Variants in RHOBTB1 observed in about 807,000 individuals in gnomAD.
RHOBTB1 encodes the protein rho-related BTB domain-containing protein 1.
A neutral mutation model predicts 71.6 loss-of-function variants in RHOBTB1; 40 were observed. The observed-to-expected ratio is 0.56, with a 90% CI of 0.43 to 0.73. The LOEUF is 0.73. RHOBTB1 is among the 30% of genes least tolerant of loss of function. RHOBTB1 has a pLI of 0.00. For synonymous variants in RHOBTB1, 319 were observed against 334.9 expected (o/e 0.95, Z 0.52); for missense variants, 797 against 894.0 (o/e 0.89, Z 1.38).
intron 2 of RHOBTB1, among the ~76,000 whole-genome samples, chr10:60,978,985 C>A (rs77972797): frequency 4.6e-5 from 7 of 152,114 alleles, no homozygotes; most frequent in African/African-American, 1.4e-4. Flanking sequence ...AAATCTCCCC[C>A]TATGTATCAT....
intron 5 of RHOBTB1, among the ~76,000 whole-genome samples, chr10:60,891,570 A>C (rs1033083152): frequency 2.0e-5 from 3 of 151,714 alleles, no homozygotes; most frequent in African/African-American, 7.3e-5. Context: ...CTGGTTTCAA[A>C]ATCCTGGCCT....
At chr10:60,875,426 C>CA (rs1481121500) in intron 8 of RHOBTB1, among the ~76,000 whole-genome samples, 2 of 152,210 alleles carry the variant, frequency 1.3e-5, no homozygotes, top group Non-Finnish European at 2.9e-5. Flanking sequence ...TCAACAGCCA[C>CA]ATGTGGCCGC....
At chr10:60,887,107 C>G (rs1315164975) in intron 6 of RHOBTB1, among the ~76,000 whole-genome samples, 1 of 151,286 alleles carries the variant, frequency 6.6e-6, no homozygotes, top group African/African-American at 2.4e-5. Flanking sequence ...AATTGAGACT[C>G]CCACATTGTA....
At chr10:60,908,693 G>A (rs1027421485) in intron 4 of RHOBTB1, among the ~76,000 whole-genome samples, 1 of 152,128 alleles carries the variant, frequency 6.6e-6, no homozygotes, top group Admixed American at 6.5e-5. Flanking sequence ...TTGGCATTAC[G>A]TCAATGTGAT....
At chr10:60,884,201 A>G (rs2081460465) in intron 7 of RHOBTB1, among the ~76,000 whole-genome samples, 1 of 152,142 alleles carries the variant, frequency 6.6e-6, no homozygotes, top group Admixed American at 6.5e-5. Flanking sequence ...TGATTCTAGG[A>G]TTCTATTTCC....
At chr10:60,923,773 C>A (rs1249085645) in intron 2 of RHOBTB1, among the ~76,000 whole-genome samples, 1 of 152,130 alleles carries the variant, frequency 6.6e-6, no homozygotes, top group African/African-American at 2.4e-5. Flanking sequence ...CTCACAAGAT[C>A]AAGATCTGAT....
At chr10:60,902,269 T>C (rs1016251452) in intron 4 of RHOBTB1, among the ~76,000 whole-genome samples, 1 of 152,232 alleles carries the variant, frequency 6.6e-6, no homozygotes, top group Non-Finnish European at 1.5e-5. Flanking sequence ...ACAGAATCCC[T>C]AAACTTCCAT....
intron 1 of RHOBTB1, among the ~76,000 whole-genome samples, chr10:60,992,844 C>T (rs1213923771): frequency 6.6e-6 from 1 of 152,020 alleles, no homozygotes; most frequent in African/African-American, 2.4e-5. Flanking sequence ...ACAAATAAAG[C>T]TGTCAATGTG....
chr10:60,900,419 T>C (rs548707591), intron 4 of RHOBTB1, among the ~76,000 whole-genome samples: 72 of 152,288 alleles, frequency 4.7e-4, no homozygotes, highest in Non-Finnish European at 9.0e-4. Context: ...TTCAGAATAA[T>C]GATAAGCTTT....
chr10:60,891,166 GT>G (rs1488197803), intron 5 of RHOBTB1, among the ~76,000 whole-genome samples: 1 of 151,996 alleles, frequency 6.6e-6, no homozygotes, highest in South Asian at 2.1e-4. Context: ...AATATAAAGT[GT>G]TTTTAGAAAT....
At chr10:60,902,342 G>C (rs917621286) in intron 4 of RHOBTB1, among the ~76,000 whole-genome samples, 57 of 152,020 alleles carry the variant, frequency 3.7e-4, no homozygotes, top group Non-Finnish European at 8.8e-5. Context: ...GTTTGTTTTG[G>C]ATGATCACAT....
At chr10:60,874,595 T>G (rs982261067) in intron 9 of RHOBTB1, among the ~76,000 whole-genome samples, 3 of 152,196 alleles carry the variant, frequency 2.0e-5, no homozygotes, top group Non-Finnish European at 4.4e-5. Flanking sequence ...GGGGAGGCAC[T>G]ACGGGGCTTC....
At chr10:60,893,136 A>G in intron 4 of RHOBTB1, 141 bp from the exon 5 acceptor site, 1 of 664,542 alleles carries the variant, frequency 1.5e-6, no homozygotes, top group South Asian at 2.1e-5. Flanking sequence ...ATTAAAAAAC[A>G]TCTTGGAGTC....
intron 1 of RHOBTB1, among the ~76,000 whole-genome samples, chr10:60,990,507 T>G (rs1159069787): frequency 6.3e-5 from 2 of 31,986 alleles, no homozygotes; most frequent in Non-Finnish European, 1.3e-4. Flanking sequence ...TTCTCTTTAT[T>G]TTAATTCAAA....
At chr10:60,989,722 A>T (rs2086790785) in intron 1 of RHOBTB1, among the ~76,000 whole-genome samples, 2 of 152,050 alleles carry the variant, frequency 1.3e-5, no homozygotes, top group Non-Finnish European at 2.9e-5. Flanking sequence ...AGGAAGGAAA[A>T]CTGAGGCTGT....
chr10:60,926,275 C>G (rs2083878405), intron 2 of RHOBTB1, among the ~76,000 whole-genome samples: 1 of 152,070 alleles, frequency 6.6e-6, no homozygotes, highest in Non-Finnish European at 1.5e-5. Flanking sequence ...GACCTGATGG[C>G]TTCACTGCTA....
chr10:60,894,625 A>T (rs966322329), intron 4 of RHOBTB1, among the ~76,000 whole-genome samples: 1 of 152,218 alleles, frequency 6.6e-6, no homozygotes, highest in Non-Finnish European at 1.5e-5. Context: ...AATCATATTT[A>T]TATCAGGTAT....
In RHOBTB1 at chr10:60,889,703, T is replaced by C. The variant is rs139790817; in HGVS notation, c.483-518A>G. Among the ~76,000 whole-genome samples, 750 of 152,354 alleles carry C rather than the reference T, an allele frequency of 4.9e-3. 6 individuals are homozygous for C. The highest frequency in any genetic ancestry group is 0.027 in the Admixed American group (409 of 15,302). The stretch of plus-strand genomic sequence containing the variant: ...CACAGTAACTGAAGGATCATCACTT[T>C]ACTAGCTATTTAATCTTGGGTAAGT... On this transcript the variant is annotated intron_variant, in intron 5 of 10. Coordinates refer to ENST00000337910, the MANE Select transcript of RHOBTB1 (RefSeq NM_014836.5).
At chr10:60,886,288 AG>A in intron 6 of RHOBTB1, 58 bp from the exon 7 acceptor site, 1 of 1,285,310 alleles carries the variant, frequency 7.8e-7, no homozygotes, top group Non-Finnish European at 1.1e-6. Context: ...GCTTCAACCA[AG>A]GCTTCTGCTC....
Sources: allele counts gnomAD v4.1 joint callset (sites outside exome capture counted in the v4.1 genomes callset), GRCh38; gene constraint gnomAD v4.1.1; transcripts MANE v1.5; gene names NCBI Gene and HGNC (gene_info 2026-07-23, HGNC 2026-07-21).